TDP1: variants seen among roughly 807,000 people sequenced by gnomAD.
TDP1 encodes the protein tyr-DNA phosphodiesterase 1.
A neutral mutation model predicts 81.5 loss-of-function variants in TDP1; 64 were observed. The ratio of observed to expected loss-of-function variants is 0.79; its 90% CI spans 0.64 to 0.97. TDP1 has a LOEUF of 0.97. Ranked by LOEUF, TDP1 falls within the 50% of genes least tolerant of loss-of-function variation. The pLI is 0.00. For missense variants in TDP1, 723 were observed against 743.8 expected (o/e 0.97, Z 0.33); for synonymous variants, 256 against 264.3 (o/e 0.97, Z 0.30).
intron 14 of TDP1, among the ~76,000 whole-genome samples, chr14:90,003,283 G>A (rs1359690903): frequency 6.6e-6 from 1 of 152,216 alleles, no homozygotes; most frequent in Non-Finnish European, 1.5e-5. Context: ...ATTTAATCAG[G>A]ACAAGTACCG....
chr14:90,034,874 G>A (rs141324232), intron 16 of TDP1, among the ~76,000 whole-genome samples: 31 of 152,248 alleles, frequency 2.0e-4, no homozygotes, highest in African/African-American at 6.5e-4. Context: ...AATGTTTCAT[G>A]GAATCTAACA....
intron 12 of TDP1, among the ~76,000 whole-genome samples, chr14:89,991,040 G>C (rs1428830233): frequency 6.6e-6 from 1 of 151,922 alleles, no homozygotes; most frequent in Admixed American, 6.6e-5. Context: ...TTTTCTGTTT[G>C]TCAGAATCTG....
At chr14:89,959,350 G>A (rs1289846998) in intron 2 of TDP1, among the ~76,000 whole-genome samples, 1 of 152,210 alleles carries the variant, frequency 6.6e-6, no homozygotes, top group Non-Finnish European at 1.5e-5. Context: ...CTGAAATGCT[G>A]GGCACCAGAG....
chr14:89,968,931 G>C (rs1472291844), intron 5 of TDP1, among the ~76,000 whole-genome samples: 1 of 152,188 alleles, frequency 6.6e-6, no homozygotes. Flanking sequence ...AGGTAATCAA[G>C]ATAAAATGAA....
intron 11 of TDP1, 21 bp downstream of exon 11, chr14:89,989,111 A>C (rs1218578250): frequency 6.5e-7 from 1 of 1,537,458 alleles, no homozygotes; most frequent in East Asian, 2.6e-5. Flanking sequence ...GTCCTCATTG[A>C]GGTAGTTTAC....
At chr14:90,022,512 C>T (rs1886202672) in intron 15 of TDP1, among the ~76,000 whole-genome samples, 1 of 152,190 alleles carries the variant, frequency 6.6e-6, no homozygotes, top group African/African-American at 2.4e-5. Flanking sequence ...CAGGACTCTC[C>T]CAGCTCCATT....
At chr14:90,029,592 G>A (rs1887051176) in intron 15 of TDP1, among the ~76,000 whole-genome samples, 1 of 148,952 alleles carries the variant, frequency 6.7e-6, no homozygotes, top group Admixed American at 6.8e-5. Flanking sequence ...TCTGCCTCCT[G>A]GATTCCAGCG....
chr14:89,975,298 C>T (rs765863539), intron 6 of TDP1: 7 of 429,200 alleles, frequency 1.6e-5, no homozygotes, highest in Non-Finnish European at 2.2e-5. Flanking sequence ...GGATGGTCTC[C>T]ATCTCCTGAC....
intron 14 of TDP1, among the ~76,000 whole-genome samples, chr14:90,012,814 C>T (rs751147120): frequency 4.6e-5 from 7 of 152,100 alleles, no homozygotes; most frequent in South Asian, 2.1e-4. Flanking sequence ...CACTCAATGC[C>T]GGCCCCTGAA....
chr14:90,030,451 A>G (rs1341210756), intron 15 of TDP1, among the ~76,000 whole-genome samples: 3 of 152,234 alleles, frequency 2.0e-5, no homozygotes, highest in Non-Finnish European at 2.9e-5. Context: ...AATGACTAGA[A>G]GAAGGGCACT....
At chr14:89,985,387 G>A (rs1036381141) in intron 10 of TDP1, among the ~76,000 whole-genome samples, 177 bp downstream of exon 10, 17 of 151,352 alleles carry the variant, frequency 1.1e-4, no homozygotes, top group Non-Finnish European at 2.1e-4. Flanking sequence ...AATGTGTTTT[G>A]CCTCTTTTAT....
At chr14:89,971,983 C>A (rs1596523665) in intron 6 of TDP1, among the ~76,000 whole-genome samples, 1 of 152,034 alleles carries the variant, frequency 6.6e-6, no homozygotes, top group Non-Finnish European at 1.5e-5. Flanking sequence ...TGTTAGGAAA[C>A]TATGTGAGTC....
intron 2 of TDP1, among the ~76,000 whole-genome samples, chr14:89,957,546 C>T (rs557119802): frequency 2.6e-5 from 4 of 152,240 alleles, no homozygotes; most frequent in African/African-American, 9.6e-5. Context: ...GCCTCCAGGC[C>T]CAGCTGATGG....
chr14:89,969,093 G>T (rs1893281876), intron 5 of TDP1, among the ~76,000 whole-genome samples: 1 of 152,218 alleles, frequency 6.6e-6, no homozygotes, highest in Non-Finnish European at 1.5e-5. Flanking sequence ...GAACAGATGT[G>T]CCTCACAGCC....
chr14:89,973,836 A>C (rs1462007471), intron 6 of TDP1, among the ~76,000 whole-genome samples: 1 of 152,126 alleles, frequency 6.6e-6, no homozygotes, highest in African/African-American at 2.4e-5. Context: ...ATTCAGGATC[A>C]AGGTGCCAGT....
intron 1 of TDP1, 177 bp downstream of exon 1, chr14:89,956,147 C>T (rs1891560741): frequency 6.6e-6 from 1 of 152,324 alleles, no homozygotes; most frequent in Non-Finnish European, 1.5e-5. Flanking sequence ...TCGCCTCGGC[C>T]CCGGGGCCTC....
Position 90,044,584 on chromosome 14 carries a change from T to C in TDP1, c.*1441T>C, listed in dbSNP as rs1888641757. 1.3e-5 allele frequency: 2 copies of C among 152,182 alleles called. No individual in the cohort carries two copies. Among genetic ancestry groups the C allele is most frequent in the African/African-American group, 4.8e-5 (2 of 41,422 alleles). 9.4% of individuals were successfully genotyped at this position (152,182 alleles called of 1,614,324 possible). On this transcript the variant is annotated 3_prime_UTR_variant, in exon 17 of 17. Transcript: ENST00000335725. ...ACCTTAGGAACCTTGTAGGCTGCAGTGGGGGTGTGGCGATAGAGCAGGAGG... is the reference window on the plus strand; with the variant it reads ...ACCTTAGGAACCTTGTAGGCTGCAGCGGGGGTGTGGCGATAGAGCAGGAGG...
At chr14:89,993,332 A>G in intron 13 of TDP1, 44 bp from the exon 14 acceptor site, 1 of 1,500,892 alleles carries the variant, frequency 6.7e-7, no homozygotes, top group Non-Finnish European at 9.2e-7. Context: ...GATTATGATC[A>G]ATTTTATTTC....
intron 15 of TDP1, among the ~76,000 whole-genome samples, chr14:90,029,583 C>G (rs1214372078): frequency 6.6e-6 from 1 of 150,630 alleles, no homozygotes; most frequent in Non-Finnish European, 1.5e-5. Flanking sequence ...AGTGCAACCT[C>G]TGCCTCCTGG....
Sources: allele counts gnomAD v4.1 joint callset (sites outside exome capture counted in the v4.1 genomes callset), GRCh38; gene constraint gnomAD v4.1.1; transcripts MANE v1.5; gene names NCBI Gene and HGNC (gene_info 2026-07-23, HGNC 2026-07-21).